TRIM55: variants seen among roughly 807,000 people sequenced by gnomAD.
The protein encoded by TRIM55 is tripartite motif containing 55, also known as tripartite motif-containing protein 55.
A neutral mutation model predicts 60.9 loss-of-function variants in TRIM55; 50 were observed. That is an observed-to-expected ratio of 0.82 (90% confidence interval 0.65 to 1.04). TRIM55 has a LOEUF of 1.04. TRIM55 is among the 50% of genes least tolerant of loss of function. TRIM55 has a pLI of 0.00. For synonymous variants in TRIM55, 237 were observed against 238.1 expected, an observed-to-expected ratio of 1.00 and a Z score of 0.04; for missense variants, 681 against 666.9, an observed-to-expected ratio of 1.02 and a Z score of -0.23.
At chr8:66,154,006 T>C (rs77337238) in intron 8 of TRIM55, 41 bp from the exon 9 acceptor site, 120,495 of 1,545,044 alleles carry the variant, frequency 0.078, 5,252 homozygotes, top group Non-Finnish European at 0.089. Context: ...TCTTCTTCTT[T>C]TTTTTTTTCT....
At chr8:66,162,852 T>C (rs1811126595) in intron 9 of TRIM55, among the ~76,000 whole-genome samples, 1 of 152,166 alleles carries the variant, frequency 6.6e-6, no homozygotes, top group Non-Finnish European at 1.5e-5. Flanking sequence ...TGTTTTCTTC[T>C]AGAATTTTTA....
chr8:66,172,083 A>G (rs545181822), intron 9 of TRIM55, among the ~76,000 whole-genome samples: 1 of 123,922 alleles, frequency 8.1e-6, no homozygotes, highest in African/African-American at 4.5e-5. Flanking sequence ...AAGGAAGGAA[A>G]GAAGGAAGGA....
At chr8:66,135,816 A>G (rs1809451170) in intron 3 of TRIM55, among the ~76,000 whole-genome samples, 1 of 152,080 alleles carries the variant, frequency 6.6e-6, no homozygotes, top group Non-Finnish European at 1.5e-5. Flanking sequence ...CCCTCTACAC[A>G]TTACCAACCT....
At chr8:66,174,115 G>A (rs6996265) in intron 9 of TRIM55, among the ~76,000 whole-genome samples, 34,985 of 151,016 alleles carry the variant, frequency 0.23, 8,115 homozygotes, top group African/African-American at 0.6. Context: ...TCTAAACCCA[G>A]TTCCTAGAGG....
intron 9 of TRIM55, among the ~76,000 whole-genome samples, chr8:66,165,399 T>G (rs1379000880): frequency 6.6e-6 from 1 of 152,070 alleles, no homozygotes; most frequent in African/African-American, 2.4e-5. Context: ...TGAGGAAGAT[T>G]AATTTCACAA....
At chr8:66,148,620 C>A (rs1810232634) in intron 4 of TRIM55, among the ~76,000 whole-genome samples, 1 of 152,034 alleles carries the variant, frequency 6.6e-6, no homozygotes, top group Non-Finnish European at 1.5e-5. Flanking sequence ...TTTATTTTTG[C>A]TGGAATTCAG....
the TRIM55 span, among the ~76,000 whole-genome samples, chr8:66,114,149 C>T: frequency 2.1e-5 from 3 of 145,766 alleles, no homozygotes; most frequent in East Asian, 4.3e-4. Flanking sequence ...ATGTTCTGAC[C>T]CTTCTCTAAA....
At chr8:66,170,570 C>T (rs1469691767) in intron 9 of TRIM55, among the ~76,000 whole-genome samples, 1 of 152,054 alleles carries the variant, frequency 6.6e-6, no homozygotes, top group African/African-American at 2.4e-5. Flanking sequence ...GTGAACATGG[C>T]AAGTATCTGT....
the TRIM55 span, chr8:66,113,358 G>A: frequency 5.4e-5 from 20 of 373,742 alleles, 1 homozygote; most frequent in South Asian, 7.8e-5. Context: ...GCCGACACAC[G>A]TACACGTCCC....
chr8:66,158,734 A>T (rs1193993991), intron 9 of TRIM55, among the ~76,000 whole-genome samples: 1 of 152,232 alleles, frequency 6.6e-6, no homozygotes, highest in Non-Finnish European at 1.5e-5. Flanking sequence ...AGTGAGTTAG[A>T]GAGTCCATTG....
chr8:66,152,774 C>T, intron 8 of TRIM55, 147 bp downstream of exon 8: 1 of 1,156,802 alleles, frequency 8.6e-7, no homozygotes, highest in East Asian at 2.6e-5. Context: ...TCAGGACAGT[C>T]CTCATGTCGG....
intron 9 of TRIM55, among the ~76,000 whole-genome samples, chr8:66,165,200 G>A (rs1029295756): frequency 1.3e-5 from 2 of 152,262 alleles, no homozygotes; most frequent in African/African-American, 4.8e-5. Flanking sequence ...AAGTTCCAAG[G>A]AGGAGCAACC....
chr8:66,129,867 G>C (rs1054329535), intron 2 of TRIM55, among the ~76,000 whole-genome samples: 1 of 152,188 alleles, frequency 6.6e-6, no homozygotes, highest in Non-Finnish European at 1.5e-5. Context: ...GAGTTTCAGT[G>C]CTAGTCCAGT....
intron 4 of TRIM55, among the ~76,000 whole-genome samples, chr8:66,145,064 C>T (rs1459051382): frequency 1.3e-5 from 2 of 152,074 alleles, no homozygotes; most frequent in Non-Finnish European, 2.9e-5. Flanking sequence ...GTTCCCTCAT[C>T]AGCTTAGAGG....
At chr8:66,125,389 A>C (rs1808782068), upstream of TRIM55, among the ~76,000 whole-genome samples, 1 of 152,222 alleles carries the variant, frequency 6.6e-6, no homozygotes, top group Admixed American at 6.5e-5. Flanking sequence ...GCCTCACACA[A>C]TGGAGACACA....
Position 66,149,709 on chromosome 8 carries a change from A to T in TRIM55, c.668A>T (p.Glu223Val), listed in dbSNP as rs1035531278. The T allele has an allele frequency of 6.2e-7, 1 of 1,614,072 alleles. No individual in the cohort carries two copies. The highest frequency in any genetic ancestry group is 8.5e-7 in the Non-Finnish European group (1 of 1,180,018). Residue 223 changes from glutamate to valine, a missense_variant, in exon 5 of 10, where the codon GAG (glutamate) becomes GTG (valine). Transcript: ENST00000315962. ...EKFDYLYGIL[E>V]ERKNEMTQVI... The stretch of plus-strand genomic sequence containing the variant: ...TTTGATTACCTGTATGGCATTTTGG[A>T]GGAGAGGAAGAATGAAATGACCCAA...
At chr8:66,123,519 A>T (rs1412239419), upstream of TRIM55, among the ~76,000 whole-genome samples, 1 of 152,140 alleles carries the variant, frequency 6.6e-6, no homozygotes, top group Non-Finnish European at 1.5e-5. Context: ...GGACAGTTCT[A>T]AGAAAAAGTA....
chr8:66,159,929 CT>C (rs1810953743), intron 9 of TRIM55, among the ~76,000 whole-genome samples: 1 of 152,152 alleles, frequency 6.6e-6, no homozygotes, highest in African/African-American at 2.4e-5. Flanking sequence ...CTGGATAAAA[CT>C]TCCTTATCAG....
chr8:66,153,886 T>G (rs1351805780), intron 8 of TRIM55, among the ~76,000 whole-genome samples, 161 bp from the exon 9 acceptor site: 1 of 152,164 alleles, frequency 6.6e-6, no homozygotes, highest in Non-Finnish European at 1.5e-5. Context: ...CATTCTGCCC[T>G]TAGCGCTTCT....
Sources: allele counts gnomAD v4.1 joint callset (sites outside exome capture counted in the v4.1 genomes callset), GRCh38; gene constraint gnomAD v4.1.1; transcripts MANE v1.5; gene names NCBI Gene and HGNC (gene_info 2026-07-23, HGNC 2026-07-21).